The following ITGA3 variants were observed in gnomAD, a reference collection of about 807,000 sequenced individuals.
ITGA3 encodes integrin subunit alpha 3, also known as integrin alpha-3.
A neutral mutation model predicts 131.1 loss-of-function variants in ITGA3; 70 were observed. The ratio of observed to expected loss-of-function variants is 0.53; its 90% CI spans 0.44 to 0.65. The LOEUF is 0.65. Ranked by LOEUF, ITGA3 falls within the 30% of genes least tolerant of loss-of-function variation. The pLI, the probability that ITGA3 is intolerant of heterozygous loss-of-function variation, is 0.00. For synonymous variants in ITGA3, 537 were observed against 571.6 expected (o/e 0.94, Z 0.86); for missense variants, 1,098 against 1,388.6 (o/e 0.79, Z 3.33).
At position 50,064,259 on chromosome 17, in the gene ITGA3, C is replaced by A; in HGVS notation, c.334+55C>A. On this transcript the variant is annotated intron_variant, in intron 2 of 25. Coordinates refer to ENST00000320031, the MANE Select transcript of ITGA3 (RefSeq NM_002204.4). This position sits in a 1 kb window ranked among gnomAD's most constrained non-coding sequence, Gnocchi z 4.4. Reference sequence around the variant, plus strand: ...GGGTCAGAGGTCTGGCAGGGGGGTACCGCAGAGAGAATGGCCTGGAGGAGA... The same window carrying A: ...GGGTCAGAGGTCTGGCAGGGGGGTAACGCAGAGAGAATGGCCTGGAGGAGA... The A allele has an allele frequency of 1.3e-6, 2 of 1,561,016 alleles. No homozygotes were observed. The highest frequency in any genetic ancestry group is 1.7e-6 in the Non-Finnish European group (2 of 1,154,944).
At position 50,075,727 on chromosome 17, in the gene ITGA3, C is replaced by T. The variant is rs1238773673; in HGVS notation, c.1666C>T (p.Leu556Phe). 6.2e-7 allele frequency: 1 copy of T among 1,613,994 alleles called. No individual in the cohort carries two copies. The highest frequency in any genetic ancestry group is 1.3e-5 in the African/African-American group (1 of 75,058). The change falls in exon 12 of 26, where the codon CTC becomes TTC. Residue 556 changes from leucine to phenylalanine, a missense_variant. This residue lies in a region of ITGA3 where 699 missense variants were observed against 829.2 expected (regional missense o/e 0.84). Transcript: ENST00000320031. ...GATGCGCTGCCAGAAGCTGGAGCTG[C>T]TCCTGATGGTGAGGGAGGAGCAAGG... is the stretch of plus-strand genomic sequence containing the variant. ...PEMRCQKLEL[L>F]LMDNLRDKLR...
At chr17:50,080,185 G>C in intron 21 of ITGA3, 77 bp from the exon 22 acceptor site, 1 of 852,958 alleles carries the variant, frequency 1.2e-6, no homozygotes, top group Non-Finnish European at 1.9e-6. Context: ...CCTGGAAGGG[G>C]CGGGAGGTAA....
At chr17:50,076,757 G>A (rs1247409495) in intron 14 of ITGA3, 76 bp downstream of exon 14, 1 of 1,357,020 alleles carries the variant, frequency 7.4e-7, no homozygotes, top group Non-Finnish European at 1.0e-6. Context: ...GTGGGGGCGG[G>A]GCCTCATGGC....
intron 5 of ITGA3, 52 bp downstream of exon 5, chr17:50,070,982 T>C (rs762848462): frequency 3.2e-5 from 37 of 1,171,388 alleles, no homozygotes; most frequent in Non-Finnish European, 4.4e-5. Flanking sequence ...GGGGGCTTAG[T>C]CCCTGGTGGA....
chr17:50,077,027 A>G lies in ITGA3; in HGVS notation c.1976A>G (p.Asn659Ser). 1 of 1,611,510 alleles carries G rather than the reference A, an allele frequency of 6.2e-7. No individual in the cohort carries two copies. The highest frequency in any genetic ancestry group is 8.5e-7 in the Non-Finnish European group (1 of 1,178,738). ...RKLLLSINVTNTRTSERSGED... is the reference protein window; with the variant it reads ...RKLLLSINVTSTRTSERSGED... ...TTGCTCCTGAGCATCAACGTGACGA[A>G]CACCCGGACCTCGGAGCGCTCCGGG... The change falls in exon 15 of 26, where the codon AAC becomes AGC. Residue 659 changes from asparagine to serine, a missense_variant. This residue lies in a region of ITGA3 where 699 missense variants were observed against 829.2 expected (regional missense o/e 0.84). Transcript: ENST00000320031.
At chr17:50,088,522 C>T (rs951882550) in intron 25 of ITGA3, among the ~76,000 whole-genome samples, 156 bp downstream of exon 25, 5 of 152,104 alleles carry the variant, frequency 3.3e-5, no homozygotes, top group African/African-American at 9.7e-5. Context: ...TCCCTCCAGC[C>T]CCCTGGGTGT....
Position 50,076,685 on chromosome 17 carries a change from G to A in ITGA3, c.1922+4G>A, listed in dbSNP as rs200592512. ...AGCAGCAGCAGAAGCTGAGCAGGTG[G>A]CTGTGGGCCGCCGGCCGCGTTAATC... On this transcript the variant is annotated splice_donor_region_variant and intron_variant, in intron 14 of 25. Transcript: ENST00000320031. 213 of 1,611,526 alleles carry A rather than the reference G, an allele frequency of 1.3e-4. No homozygotes were observed. The highest frequency in any genetic ancestry group is 1.7e-4 in the Non-Finnish European group (200 of 1,178,212).
chr17:50,075,477 C>G lies in ITGA3; in HGVS notation c.1488C>G (p.Cys496Trp). 6.2e-7 allele frequency: 1 copy of G among 1,614,208 alleles called. No individual in the cohort carries two copies. Among genetic ancestry groups the G allele is most frequent in the Non-Finnish European group, 8.5e-7 (1 of 1,180,042 alleles). The change falls in exon 11 of 26, where the codon TGC becomes TGG. Residue 496 changes from cysteine (C) to tryptophan (W), a missense_variant. By Grantham distance (215) the Cys-to-Trp change is radical. Around this residue, in one of 3 missense-constraint regions of ITGA3, gnomAD observed 699 missense variants for 829.2 expected, o/e 0.84. Coordinates refer to ENST00000320031, the MANE Select transcript of ITGA3 (RefSeq NM_002204.4). ...CCAACAGTGTGCAAGTGGAGCTGTGCTTTGCTTACAACCAGAGTGCCGGGA... is the reference window on the plus strand; with the variant it reads ...CCAACAGTGTGCAAGTGGAGCTGTGGTTTGCTTACAACCAGAGTGCCGGGA... The part of the protein sequence containing the change: ...TATSCVQVEL[C>W]FAYNQSAGNP...
At chr17:50,066,634 G>A (rs910800050) in intron 3 of ITGA3, among the ~76,000 whole-genome samples, 1 of 152,028 alleles carries the variant, frequency 6.6e-6, no homozygotes, top group Non-Finnish European at 1.5e-5. Flanking sequence ...AATTAGCCCG[G>A]CATGGTGGTA....
rs1567705896 is a variant in ITGA3 at position 50,085,805 on chromosome 17, CATTATAGATTTATAATGTATAT to C, written c.2920-1938_2920-1917del. Among the ~76,000 whole-genome samples, 249 of 42,700 alleles carry C rather than the reference CATTATAGATTTATAATGTATAT, an allele frequency of 5.8e-3. 4 individuals are homozygous for C. Among genetic ancestry groups the C allele is most frequent in the Non-Finnish European group, 0.013 (180 of 14,292 alleles). The allele number at this position is 42,700 out of a possible 152,430, so 28.0% of individuals were successfully genotyped here. A position where few individuals can be genotyped will look rare whatever the true frequency, so the allele number is the denominator to read the frequency against. On this transcript the variant is annotated intron_variant, in intron 23 of 25. Transcript: ENST00000320031. Reference sequence around the variant, plus strand: ...GATTTATAATGTATATTAGATTATACATTATAGATTTATAATGTATATTAGATTATACATTATAGATTTATAA... The same window carrying C: ...GATTTATAATGTATATTAGATTATACTAGATTATACATTATAGATTTATAA...
At position 50,076,356 on chromosome 17, in the gene ITGA3, A is replaced by T. The variant is rs1908891205; in HGVS notation, c.1705A>T (p.Ile569Phe). Residue 569 changes from isoleucine (I) to phenylalanine (F), a missense_variant, in exon 13 of 26, where the codon ATC becomes TTC. Ile to Phe is a conservative substitution (Grantham distance 21). This residue lies in a region of ITGA3 where 699 missense variants were observed against 829.2 expected (regional missense o/e 0.84). Transcript: ENST00000320031. ...DNLRDKLRPI[I>F]ISMNYSLPLR... ...CCTCCGTGACAAACTCCGCCCCATC[A>T]TCATCTCCATGAACTACTCTTTACC... The T allele has an allele frequency of 1.2e-6, 2 of 1,613,608 alleles. No individual in the cohort carries two copies. The highest frequency in any genetic ancestry group is 1.7e-6 in the Non-Finnish European group (2 of 1,179,956).
chr17:50,070,933 G>A lies in ITGA3; in HGVS notation c.751+3G>A. The A allele has an allele frequency of 6.4e-7, 1 of 1,559,000 alleles. No homozygotes were observed. The highest frequency in any genetic ancestry group is 8.9e-7 in the Non-Finnish European group (1 of 1,129,710). On this transcript the variant is annotated splice_donor_region_variant and intron_variant, in intron 5 of 25. Transcript: ENST00000320031. ...GGACCAAGGAAACCTCTATATTGGT[G>A]AGTACAGTAGTGGTAGCCCATCAAG...
At chr17:50,086,738 C>G (rs999338060) in intron 23 of ITGA3, 1 of 148,570 alleles carries the variant, frequency 6.7e-6, no homozygotes, top group East Asian at 2.0e-4. Context: ...GTATTTATCT[C>G]CATTGTAGGG....
chr17:50,067,018 T>G (rs997293596), intron 3 of ITGA3, among the ~76,000 whole-genome samples: 3 of 152,224 alleles, frequency 2.0e-5, no homozygotes, highest in African/African-American at 7.2e-5. Flanking sequence ...AATGCCTTTT[T>G]GATAACCCTG....
rs1313250464 is a variant in ITGA3, at chr17:50,089,767, T to C, written c.*689T>C. On this transcript the variant is annotated 3_prime_UTR_variant, in exon 26 of 26. Transcript: ENST00000320031. ...GCTGGTGGGCCCCCAATGACACCCA[T>C]GCCAGAGAGGTGGGGATCCTGCCTA... 5.8e-6 allele frequency: 1 copy of C among 172,168 alleles called. No homozygotes were observed. Among genetic ancestry groups the C allele is most frequent in the East Asian group, 1.5e-4 (1 of 6,604 alleles). 10.7% of individuals were successfully genotyped at this position (172,168 alleles called of 1,614,324 possible). A position where few individuals can be genotyped will look rare whatever the true frequency, so the allele number is the denominator to read the frequency against.
At position 50,056,151 on chromosome 17, in the gene ITGA3, A is replaced by C; in HGVS notation, c.-289A>C. 8.6e-6 allele frequency: 3 copies of C among 350,296 alleles called. No homozygotes were observed. The highest frequency in any genetic ancestry group is 5.1e-6 in the Non-Finnish European group (1 of 195,416). 21.7% of individuals were successfully genotyped at this position (350,296 alleles called of 1,614,324 possible). A position where few individuals can be genotyped will look rare whatever the true frequency, so the allele number is the denominator to read the frequency against. On this transcript the variant is annotated 5_prime_UTR_variant, in exon 1 of 26. Coordinates refer to ENST00000320031, the MANE Select transcript of ITGA3 (RefSeq NM_002204.4). This position sits in a 1 kb window ranked among gnomAD's most constrained non-coding sequence, Gnocchi z 5.6. ...CGGGATCGAAGGCGACAGCGCGGCC[A>C]AGGGGGCGCGGCCGGGACAAGCTGG...
Position 50,071,435 on chromosome 17 carries a change from G to A in ITGA3, c.876G>A (p.Leu292=), listed in dbSNP as rs1452178012. ...TGAGCCAGGAGGCAGGCGGAGACCT[G>A]CGGAGGAGGCAGGTGCTGGAGGGCT... is the stretch of plus-strand genomic sequence containing the variant. The part of the protein sequence containing the change: ...FLLSQEAGGD[L]RRRQVLEGSQ... Residue 292 remains leucine (L), a synonymous_variant, in exon 6 of 26, where the codon CTG becomes CTA. Coordinates refer to ENST00000320031, the MANE Select transcript of ITGA3 (RefSeq NM_002204.4). 6.2e-7 allele frequency: 1 copy of A among 1,614,076 alleles called. No individual in the cohort carries two copies. The highest frequency in any genetic ancestry group is 1.7e-5 in the Admixed American group (1 of 60,034).
At chr17:50,067,841 C>G (rs941673555) in intron 3 of ITGA3, among the ~76,000 whole-genome samples, 2 of 152,210 alleles carry the variant, frequency 1.3e-5, no homozygotes, top group Non-Finnish European at 2.9e-5. Context: ...CTCAGATCCA[C>G]ACTTTACAGC....
intron 5 of ITGA3, 116 bp downstream of exon 5, chr17:50,071,046 C>A: frequency 1.3e-6 from 1 of 796,208 alleles, no homozygotes; most frequent in African/African-American, 1.7e-5. Flanking sequence ...AACTAGCACA[C>A]ACGGATTGGC....
Sources: allele counts gnomAD v4.1 joint callset (sites outside exome capture counted in the v4.1 genomes callset), GRCh38; gene constraint gnomAD v4.1.1; regional missense constraint gnomAD v4.1.1; non-coding constraint Gnocchi (gnomAD v3.1); transcripts MANE v1.5; gene names NCBI Gene and HGNC (gene_info 2026-07-23, HGNC 2026-07-21).